ZNF468: variants seen among roughly 807,000 people sequenced by gnomAD.
ZNF468 encodes the protein zinc finger protein ZNF468.
ZNF468 carries 8 observed loss-of-function variants against 7.2 expected under a neutral mutation model. That is an observed-to-expected ratio of 1.11 (90% confidence interval 0.65 to 2.01). The LOEUF is 2.01. Among genes scored for constraint, ZNF468 ranks in the 30% most tolerant of loss-of-function variants. ZNF468 has a pLI of 0.00. For synonymous variants in ZNF468, 218 were observed against 214.4 expected (o/e 1.02, Z -0.15); for missense variants, 608 against 626.5 (o/e 0.97, Z 0.31).
rs2063270710 is a variant in ZNF468 at position 52,838,933 on chromosome 19, G to C, written c.*1792C>G. ...ATTTAGATTCGGTACAATACTCATA[G>C]AAGTCTCTATAACTTTTTGTTAAAG... is the stretch of plus-strand genomic sequence containing the variant. On this transcript the variant is annotated 3_prime_UTR_variant, in exon 4 of 4. Coordinates refer to ENST00000595646, the MANE Select transcript of ZNF468 (RefSeq NM_001008801.2). 6.6e-6 allele frequency: 1 copy of C among 152,064 alleles called. No homozygotes were observed. Among genetic ancestry groups the C allele is most frequent in the African/African-American group, 2.4e-5 (1 of 41,384 alleles). 9.4% of individuals were successfully genotyped at this position (152,064 alleles called of 1,614,324 possible).
intron 2 of ZNF468, chr19:52,849,460 A>G: frequency 1.2e-6 from 1 of 830,198 alleles, no homozygotes; most frequent in Non-Finnish European, 1.7e-6. Context: ...ATAAACAAAT[A>G]AAAAATCAAT....
chr19:52,850,590 G>A (rs2063379125), intron 2 of ZNF468, among the ~76,000 whole-genome samples: 1 of 151,368 alleles, frequency 6.6e-6, no homozygotes, highest in African/African-American at 2.4e-5. Flanking sequence ...GGGGAGGAAG[G>A]AGAGGAGCAC....
At chr19:52,849,385 C>G in intron 2 of ZNF468, 172 bp from the exon 3 acceptor site, 1 of 1,308,904 alleles carries the variant, frequency 7.6e-7, no homozygotes, top group Non-Finnish European at 1.0e-6. Flanking sequence ...TTTTATTACA[C>G]TTTTTGAGTA....
rs373697619 is a variant in ZNF468, at chr19:52,840,034, T to C, written c.*691A>G. 1.5e-5 allele frequency: 19 copies of C among 1,294,240 alleles called. No homozygotes were observed. The East Asian group carries it at 6.2e-4, about 42-fold the overall frequency. 80.2% of individuals were successfully genotyped at this position (1,294,240 alleles called of 1,614,324 possible). A position where few individuals can be genotyped will look rare whatever the true frequency, so the allele number is the denominator to read the frequency against. On this transcript the variant is annotated 3_prime_UTR_variant, in exon 4 of 4. Coordinates refer to ENST00000595646, the MANE Select transcript of ZNF468 (RefSeq NM_001008801.2). Reference sequence around the variant, plus strand: ...AAAGGGTTTGCCACACTCATTGCACTTGTAAGGTTTCTCTCCAGTGTGAAT... The same window carrying C: ...AAAGGGTTTGCCACACTCATTGCACCTGTAAGGTTTCTCTCCAGTGTGAAT...
At position 52,841,642 on chromosome 19, in the gene ZNF468, T is replaced by C. The variant is rs1389154983; in HGVS notation, c.652A>G (p.Ile218Val). Residue 218 changes from isoleucine (I) to valine (V), a missense_variant, in exon 4 of 4, where the codon ATA (isoleucine) becomes GTA (valine). Coordinates refer to ENST00000595646, the MANE Select transcript of ZNF468 (RefSeq NM_001008801.2). Reference sequence around the variant, plus strand: ...CAATTAAAGGATTTGAAGCTCTGTATACATTCAAAAGATTTTTCTCTCATG... The same window carrying C: ...CAATTAAAGGATTTGAAGCTCTGTACACATTCAAAAGATTTTTCTCTCATG... ...VHMREKSFEC[I>V]QSFKSFNCSS... 6.2e-7 allele frequency: 1 copy of C among 1,614,124 alleles called. No homozygotes were observed.
At position 52,853,001 on chromosome 19, in the gene ZNF468, CCCA is replaced by C. The variant is rs1326196396; in HGVS notation, c.15+1254_15+1256del. 4.6e-5 allele frequency among the ~76,000 whole-genome samples: 7 copies of C among 151,554 alleles called. No homozygotes were observed. In the East Asian group the frequency reaches 1.2e-3, roughly 26 times the overall value. On this transcript the variant is annotated intron_variant, in intron 2 of 3. Transcript: ENST00000595646. The stretch of plus-strand genomic sequence containing the variant: ...TCCCAAGTAGCTGGGACTACAGGTG[CCCA>C]CCACCACACCCGGCTAATTTTTTGT...
chr19:52,851,855 A>G (rs1371144701), intron 2 of ZNF468, among the ~76,000 whole-genome samples: 2 of 152,190 alleles, frequency 1.3e-5, no homozygotes, highest in African/African-American at 4.8e-5. Context: ...TTAGATGTTA[A>G]GAAAAAGGGT....
At chr19:52,847,298 T>C (rs967294761) in intron 3 of ZNF468, among the ~76,000 whole-genome samples, 5 of 151,812 alleles carry the variant, frequency 3.3e-5, no homozygotes, top group African/African-American at 1.2e-4. Context: ...TTGGTAAAAG[T>C]CATGCCATTC....
chr19:52,840,943 C>G lies in ZNF468; in HGVS notation c.1351G>C (p.Asp451His), dbSNP rs777577735. ...CTCTGATGTTGTGCCAGGTGTGAATCCCTCTGGAAAGCCTTGTCACAAACC... is the reference window on the plus strand; with the variant it reads ...CTCTGATGTTGTGCCAGGTGTGAATGCCTCTGGAAAGCCTTGTCACAAACC... ...CKVCDKAFQRDSHLAQHQRVH... is the reference protein window; with the variant it reads ...CKVCDKAFQRHSHLAQHQRVH... The change falls in exon 4 of 4, where the codon GAT becomes CAT. Residue 451 changes from aspartate to histidine, a missense_variant. Asp to His is a moderately conservative substitution (Grantham distance 81). Coordinates refer to ENST00000595646, the MANE Select transcript of ZNF468 (RefSeq NM_001008801.2). 4.4e-5 allele frequency: 71 copies of G among 1,613,298 alleles called. No homozygotes were observed. The highest frequency in any genetic ancestry group is 5.9e-5 in the Non-Finnish European group (70 of 1,179,804).
In ZNF468 at chr19:52,841,337, C is replaced by G. The variant is rs752092917; in HGVS notation, c.957G>C (p.Arg319Ser). The G allele has an allele frequency of 6.2e-7, 1 of 1,613,740 alleles. No homozygotes were observed. The highest frequency in any genetic ancestry group is 2.2e-5 in the East Asian group (1 of 44,864). The change falls in exon 4 of 4, where the codon AGG becomes AGC. Residue 319 changes from arginine (R) to serine (S), a missense_variant. Coordinates refer to ENST00000595646, the MANE Select transcript of ZNF468 (RefSeq NM_001008801.2). ...TGTATGGTTTCTCTCCAGTATGAAT[C>G]CTCTTATGTCTTTCAAGGTGTGATT... Reference protein sequence around the residue: ...SRKSHLERHKRIHTGEKPYKC... With the variant: ...SRKSHLERHKSIHTGEKPYKC...
At chr19:52,848,306 A>C (rs574318904) in intron 3 of ZNF468, among the ~76,000 whole-genome samples, 1 of 152,304 alleles carries the variant, frequency 6.6e-6, no homozygotes, top group African/African-American at 2.4e-5. Context: ...GCTTATAAAA[A>C]GCAAGGACCA....
chr19:52,854,396 C>T (rs1863475724), intron 1 of ZNF468, 51 bp from the exon 2 acceptor site: 1 of 1,524,620 alleles, frequency 6.6e-7, no homozygotes. Flanking sequence ...ACACCCCCTC[C>T]CTTAACACAA....
chr19:52,850,877 C>T (rs754066022), intron 2 of ZNF468, among the ~76,000 whole-genome samples: 72 of 150,912 alleles, frequency 4.8e-4, no homozygotes, highest in South Asian at 1.9e-3. Flanking sequence ...CCAGCCTGGG[C>T]GACAGAGCGA....
chr19:52,840,841 G>C lies in ZNF468; in HGVS notation c.1453C>G (p.His485Asp), dbSNP rs1285257710. 3.8e-6 allele frequency: 6 copies of C among 1,595,242 alleles called. No individual in the cohort carries two copies. Among genetic ancestry groups the C allele is most frequent in the Non-Finnish European group, 5.1e-6 (6 of 1,171,486 alleles). ...TTCTCTCCAGTATGAAGCCTACGAT[G>C]GATTATAAGCGATGATGTCTGACCG... Reference protein sequence around the residue: ...TFGQTSSLIIHRRLHTGEKPY... With the variant: ...TFGQTSSLIIDRRLHTGEKPY... The change falls in exon 4 of 4, where the codon CAT (histidine) becomes GAT (aspartate). Residue 485 changes from histidine to aspartate, a missense_variant. Transcript: ENST00000595646.
In ZNF468 at chr19:52,841,837, T is replaced by G; in HGVS notation, c.457A>C (p.Ile153Leu). ...SFHLHLPEPH[I>L]FQSEGKIGNQ... ...CCAATTTTCCCTTCAGACTGAAATA[T>G]GTGCGGTTCAGGCAGATGCAAATGA... is the stretch of plus-strand genomic sequence containing the variant. Residue 153 changes from isoleucine to leucine, a missense_variant, in exon 4 of 4, where the codon ATA (isoleucine) becomes CTA (leucine). By Grantham distance (5) the Ile-to-Leu change is conservative (BLOSUM62 2). Transcript: ENST00000595646. 1 of 1,614,112 alleles carries G rather than the reference T, an allele frequency of 6.2e-7. No homozygotes were observed. The highest frequency in any genetic ancestry group is 2.2e-5 in the East Asian group (1 of 44,852).
In ZNF468 at chr19:52,840,098, C is replaced by T. The variant is rs1249610621; in HGVS notation, c.*627G>A. On this transcript the variant is annotated 3_prime_UTR_variant, in exon 4 of 4. Transcript: ENST00000595646. ...GCCACGTGTGAATCATTCCCGAAAG[C>T]CTTGTCACAAACCTTACATTTCTAT... 7.9e-6 allele frequency: 6 copies of T among 762,456 alleles called. No homozygotes were observed. Among genetic ancestry groups the T allele is most frequent in the Non-Finnish European group, 9.8e-6 (5 of 511,638 alleles). The allele number at this position is 762,456 out of a possible 1,614,324, so 47.2% of individuals were successfully genotyped here.
chr19:52,842,073 A>T lies in ZNF468; in HGVS notation c.221T>A (p.Leu74Ter). The T allele has an allele frequency of 6.2e-7, 1 of 1,613,974 alleles. No individual in the cohort carries two copies. Among genetic ancestry groups the T allele is most frequent in the East Asian group, 2.2e-5 (1 of 44,856 alleles). Residue 74 changes from leucine to a stop codon, truncating the protein, a stop_gained, in exon 4 of 4, where the codon TTG becomes TAG. Coordinates refer to ENST00000595646, the MANE Select transcript of ZNF468 (RefSeq NM_001008801.2). LOFTEE classifies it low-confidence loss of function (END_TRUNC). ...AATGTGATGACTTGCTTGTCTGTGC[A>T]ATGTCCCTGTGTGGATCACTTCTGT... is the stretch of plus-strand genomic sequence containing the variant. ...GNTEVIHTGTLHRQASHHIGE... is the reference protein window; with the variant it reads ...GNTEVIHTGT
At chr19:52,856,289 G>A (rs1222447703) in intron 1 of ZNF468, among the ~76,000 whole-genome samples, 1 of 152,002 alleles carries the variant, frequency 6.6e-6, no homozygotes, top group Non-Finnish European at 1.5e-5. Context: ...GGGAGGTGGA[G>A]GTGGGTGGAT....
intron 1 of ZNF468, 43 bp from the exon 2 acceptor site, chr19:52,854,388 AC>A (rs2063418512): frequency 3.2e-6 from 5 of 1,549,036 alleles, no homozygotes; most frequent in Admixed American, 1.7e-5. Context: ...GAATCAACAC[AC>A]CCCCTCCCTT....
Sources: gnomAD v4.1 joint callset for allele counts (sites outside exome capture counted in the v4.1 genomes callset) on GRCh38, gnomAD v4.1.1 for gene constraint, MANE v1.5 for transcripts, NCBI Gene and HGNC (gene_info 2026-07-23, HGNC 2026-07-21) for gene names.